The following ADAM32 variants were observed in gnomAD, a reference collection of about 807,000 sequenced individuals.
ADAM32 encodes the protein disintegrin and metalloproteinase domain-containing protein 32.
ADAM32 carries 89 observed loss-of-function variants against 114.9 expected under a neutral mutation model. The ratio of observed to expected loss-of-function variants is 0.77; its 90% CI spans 0.65 to 0.92. The LOEUF is 0.92. Among genes scored for constraint, ADAM32 ranks in the 40% least tolerant of loss-of-function variants. The pLI is 0.00. For missense variants in ADAM32, 870 were observed against 932.8 expected (o/e 0.93, Z 0.88); for synonymous variants, 285 against 307.5 (o/e 0.93, Z 0.77).
rs1808587859 is a variant in ADAM32 at position 39,216,663 on chromosome 8, G to A, written c.1234-4947G>A. On this transcript the variant is annotated intron_variant, in intron 12 of 24. Coordinates refer to ENST00000379907, the MANE Select transcript of ADAM32 (RefSeq NM_145004.7). ...TGAGACTAGCAAATACTATCTTCTAGCCCATTATTTTAAGCTGATAGCAAT... is the reference window on the plus strand; with the variant it reads ...TGAGACTAGCAAATACTATCTTCTAACCCATTATTTTAAGCTGATAGCAAT... Among the ~76,000 whole-genome samples, 2 of 151,824 alleles carry A rather than the reference G, an allele frequency of 1.3e-5. 1 individual carries two copies. Among genetic ancestry groups the A allele is most frequent in the South Asian group, 4.2e-4 (2 of 4,816 alleles).
intron 11 of ADAM32, among the ~76,000 whole-genome samples, chr8:39,198,812 C>T (rs1807190214): frequency 6.6e-6 from 1 of 151,808 alleles, no homozygotes; most frequent in Non-Finnish European, 1.5e-5. Flanking sequence ...GTGAGTTGTA[C>T]ACTTGTATGT....
intron 19 of ADAM32, among the ~76,000 whole-genome samples, chr8:39,260,402 T>C (rs528636008): frequency 1.2e-4 from 19 of 152,162 alleles, no homozygotes; most frequent in African/African-American, 4.6e-4. Context: ...TTATTCTTGA[T>C]CTTAGGCCAA....
intron 12 of ADAM32, among the ~76,000 whole-genome samples, chr8:39,219,963 C>G (rs1808837137): frequency 6.6e-6 from 1 of 151,932 alleles, no homozygotes; most frequent in African/African-American, 2.4e-5. Flanking sequence ...AGTATTAGGT[C>G]CAATTGGTCA....
In ADAM32 at chr8:39,234,026, C is replaced by T. The variant is rs768556542; in HGVS notation, c.1762C>T (p.Arg588Ter). Residue 588 changes from arginine (R) to a stop codon, truncating the protein, a stop_gained, in exon 16 of 25, where the codon CGA (arginine) becomes TGA (stop). Transcript: ENST00000379907. LOFTEE classifies it high-confidence loss of function. ...CATAACTGTAGACTACAAATTGCCT[C>T]GAACAGTTCCAGATCCACTGGCTGT... ...VCITVDYKLP[R>*]TVPDPLAVKN... is the part of the protein sequence containing the mutation. The T allele has an allele frequency of 5.9e-6, 9 of 1,535,616 alleles. 1 individual carries two copies. The highest frequency in any genetic ancestry group is 2.7e-5 in the African/African-American group (2 of 73,076).
chr8:39,203,521 G>C (rs780025650), intron 11 of ADAM32, among the ~76,000 whole-genome samples: 3 of 152,122 alleles, frequency 2.0e-5, no homozygotes, highest in African/African-American at 7.2e-5. Context: ...GAGCCTATGT[G>C]TGTCTCTGCA....
chr8:39,146,199 G>C (rs1803496031), intron 3 of ADAM32, among the ~76,000 whole-genome samples: 2 of 152,182 alleles, frequency 1.3e-5, no homozygotes, highest in South Asian at 4.1e-4. Flanking sequence ...AAGTGAGGAA[G>C]CATAACTAAA....
At chr8:39,151,673 A>ATATT in intron 6 of ADAM32, 125 bp downstream of exon 6, 1 of 564,496 alleles carries the variant, frequency 1.8e-6, no homozygotes. Flanking sequence ...TGAACATCTT[A>ATATT]TCTTTTTTTT....
chr8:39,271,664 C>T (rs995393758), intron 20 of ADAM32, among the ~76,000 whole-genome samples: 3 of 151,694 alleles, frequency 2.0e-5, no homozygotes, highest in African/African-American at 7.3e-5. Context: ...ACTGAGAATA[C>T]AACATAAACA....
intron 10 of ADAM32, among the ~76,000 whole-genome samples, chr8:39,170,899 G>A (rs952989559): frequency 2.6e-5 from 4 of 151,958 alleles, no homozygotes; most frequent in Non-Finnish European, 5.9e-5. Flanking sequence ...TGAGTAATGG[G>A]TACAAAATTA....
intron 1 of ADAM32, among the ~76,000 whole-genome samples, chr8:39,110,034 C>G (rs547220289): frequency 3.3e-5 from 5 of 151,844 alleles, no homozygotes; most frequent in South Asian, 2.1e-4. Flanking sequence ...ATTTAAGGTT[C>G]TCCCATGCCT....
At chr8:39,172,833 T>C (rs1379411702) in intron 10 of ADAM32, among the ~76,000 whole-genome samples, 8 of 152,234 alleles carry the variant, frequency 5.3e-5, no homozygotes, top group Admixed American at 5.2e-4. Flanking sequence ...AATAGAATGA[T>C]TTATATTCCT....
intron 12 of ADAM32, among the ~76,000 whole-genome samples, chr8:39,211,819 A>G (rs1428772844): frequency 6.6e-6 from 1 of 152,186 alleles, no homozygotes; most frequent in African/African-American, 2.4e-5. Context: ...ATGCTTTTAT[A>G]TAATTCAGTA....
chr8:39,260,402 T>A (rs528636008), intron 19 of ADAM32, among the ~76,000 whole-genome samples: 3 of 152,280 alleles, frequency 2.0e-5, no homozygotes, highest in Admixed American at 2.0e-4. Flanking sequence ...TTATTCTTGA[T>A]CTTAGGCCAA....
Position 39,118,837 on chromosome 8 carries a change from A to G in ADAM32, c.138+672A>G, listed in dbSNP as rs377296987. On this transcript the variant is annotated intron_variant, in intron 2 of 24. Transcript: ENST00000379907. Reference sequence around the variant, plus strand: ...ATTATTACAGCAGTACATAAATAGAATTGTGCAAACATTACCACAGTCCAG... The same window carrying G: ...ATTATTACAGCAGTACATAAATAGAGTTGTGCAAACATTACCACAGTCCAG... 1.7e-4 allele frequency among the ~76,000 whole-genome samples: 26 copies of G among 152,328 alleles called. No homozygotes were observed. The East Asian group carries it at 4.6e-3, about 27-fold the overall frequency.
chr8:39,270,747 A>G (rs946189412), intron 19 of ADAM32, 129 bp from the exon 20 acceptor site: 9 of 738,540 alleles, frequency 1.2e-5, no homozygotes, highest in Non-Finnish European at 1.4e-5. Flanking sequence ...TGACCTTTGG[A>G]CAATATTTTA....
At chr8:39,232,412 C>G (rs1015817740) in intron 15 of ADAM32, among the ~76,000 whole-genome samples, 30 of 152,120 alleles carry the variant, frequency 2.0e-4, no homozygotes, top group African/African-American at 7.0e-4. Context: ...GCTCATTTTT[C>G]CTTTCCATCC....
chr8:39,250,345 G>A (rs2129450285), intron 17 of ADAM32, among the ~76,000 whole-genome samples: 1 of 151,372 alleles, frequency 6.6e-6, no homozygotes, highest in African/African-American at 2.4e-5. Context: ...TCTCATCTCA[G>A]CCATAATTAT....
At chr8:39,212,226 C>T (rs1384991744) in intron 12 of ADAM32, among the ~76,000 whole-genome samples, 1 of 151,978 alleles carries the variant, frequency 6.6e-6, no homozygotes. Context: ...GTTGGTCAGG[C>T]TGGTCTCAAA....
intron 12 of ADAM32, among the ~76,000 whole-genome samples, chr8:39,212,326 T>A (rs550615042): frequency 5.1e-4 from 78 of 152,222 alleles, no homozygotes; most frequent in Admixed American, 9.2e-4. Flanking sequence ...TGATTTTTTT[T>A]AAAAAAATCA....
Sources: gnomAD v4.1 joint callset for allele counts (sites outside exome capture counted in the v4.1 genomes callset) on GRCh38, gnomAD v4.1.1 for gene constraint, MANE v1.5 for transcripts, NCBI Gene and HGNC (gene_info 2026-07-23, HGNC 2026-07-21) for gene names.